LPP: variants seen among roughly 807,000 people sequenced by gnomAD.
LPP encodes the protein LIM domain containing preferred translocation partner in lipoma.
A neutral mutation model predicts 60.4 loss-of-function variants in LPP; 38 were observed. The observed-to-expected ratio is 0.63, with a 90% CI of 0.49 to 0.83. The LOEUF is 0.83. LPP is among the 40% of genes least tolerant of loss of function. The probability of loss-of-function intolerance (pLI) is 0.00; values close to 1 mark genes in which losing one functional copy is unlikely to be tolerated. For missense variants in LPP, 902 were observed against 783.6 expected (o/e 1.15, Z -1.80); for synonymous variants, 328 against 290.8 (o/e 1.13, Z -1.30).
chr3:188,782,999 T>C (rs1007249272), intron 9 of LPP, among the ~76,000 whole-genome samples: 5 of 152,288 alleles, frequency 3.3e-5, no homozygotes, highest in Non-Finnish European at 5.9e-5. Flanking sequence ...GTGCCCATCC[T>C]TTCTGTCCCT....
At chr3:188,869,880 G>T (rs1767648317) in intron 10 of LPP, among the ~76,000 whole-genome samples, 1 of 152,144 alleles carries the variant, frequency 6.6e-6, no homozygotes, top group Non-Finnish European at 1.5e-5. Flanking sequence ...CATTTCAGAT[G>T]ACCGCTGCAA....
chr3:188,280,340 G>T (rs1336564589), intron 2 of LPP, among the ~76,000 whole-genome samples: 3 of 152,174 alleles, frequency 2.0e-5, no homozygotes, highest in African/African-American at 7.2e-5. Flanking sequence ...TCATTAGGAA[G>T]AAATTGATGC....
chr3:188,650,545 A>G (rs1322222639), intron 7 of LPP, among the ~76,000 whole-genome samples: 1 of 152,172 alleles, frequency 6.6e-6, no homozygotes, highest in Non-Finnish European at 1.5e-5. Context: ...TTTTTCTGCT[A>G]TCTTCTGTCC....
At chr3:188,839,650 A>G (rs1458194473) in intron 9 of LPP, among the ~76,000 whole-genome samples, 1 of 152,094 alleles carries the variant, frequency 6.6e-6, no homozygotes, top group African/African-American at 2.4e-5. Context: ...TGAGGCGGAC[A>G]GATTACGAAG....
intron 3 of LPP, among the ~76,000 whole-genome samples, chr3:188,381,072 T>C (rs1776752761): frequency 6.6e-6 from 1 of 152,186 alleles, no homozygotes. Flanking sequence ...TTTTATAGGC[T>C]CTGGAGTTGA....
At chr3:188,606,970 A>G (rs1367191882) in intron 6 of LPP, among the ~76,000 whole-genome samples, 1 of 152,180 alleles carries the variant, frequency 6.6e-6, no homozygotes, top group Non-Finnish European at 1.5e-5. Flanking sequence ...GCAGCTGTAA[A>G]GTCTGCCCCA....
chr3:188,431,104 A>T (rs564381286), intron 4 of LPP, among the ~76,000 whole-genome samples: 2 of 152,280 alleles, frequency 1.3e-5, no homozygotes, highest in East Asian at 3.9e-4. Flanking sequence ...GATGAAAATT[A>T]ACCTGCGTGA....
At chr3:188,444,363 C>A (rs1249686605) in intron 4 of LPP, among the ~76,000 whole-genome samples, 2 of 152,002 alleles carry the variant, frequency 1.3e-5, no homozygotes, top group Non-Finnish European at 2.9e-5. Flanking sequence ...AGTCTTATAC[C>A]TTTAGCAATG....
At position 188,290,200 on chromosome 3, in the gene LPP, T is replaced by C. The variant is rs11709394; in HGVS notation, c.-66-51463T>C. ...CATGTTGGCCAAGCTGGTCTCGATC[T>C]CCTGACTTCAAGTGGTCTGACTGCC... On this transcript the variant is annotated intron_variant, in intron 2 of 11. Transcript: ENST00000617246. Among the ~76,000 whole-genome samples the C allele has an allele frequency of 3.2e-3, 493 of 152,260 alleles. 5 individuals carry two copies. The highest frequency in any genetic ancestry group is 0.028 in the South Asian group (133 of 4,822).
intron 5 of LPP, among the ~76,000 whole-genome samples, chr3:188,517,513 G>A (rs62289638): frequency 6.6e-6 from 1 of 152,284 alleles, no homozygotes; most frequent in Admixed American, 6.5e-5. Context: ...GGTCCCTCAT[G>A]AATGGCTTGG....
intron 5 of LPP, among the ~76,000 whole-genome samples, chr3:188,514,026 A>G (rs146344252): frequency 2.3e-4 from 35 of 152,326 alleles, no homozygotes; most frequent in African/African-American, 7.2e-4. Context: ...CAGAAAGTCA[A>G]AGAAACTGCT....
intron 9 of LPP, among the ~76,000 whole-genome samples, chr3:188,813,974 A>C (rs1489092189): frequency 2.0e-5 from 3 of 152,160 alleles, no homozygotes; most frequent in Admixed American, 2.0e-4. Flanking sequence ...CAGGAGGCTG[A>C]GGCAGGACAA....
In LPP at chr3:188,890,121, G is replaced by T. The variant is rs1268330235; in HGVS notation, c.*15642G>T. 1 of 216,064 alleles carries T rather than the reference G, an allele frequency of 4.6e-6. No individual in the cohort carries two copies. The highest frequency in any genetic ancestry group is 2.3e-5 in the African/African-American group (1 of 44,398). The allele number at this position is 216,064 out of a possible 1,614,324, so 13.4% of individuals were successfully genotyped here. A position where few individuals can be genotyped will look rare whatever the true frequency, so the allele number is the denominator to read the frequency against. ...TGGTGTTTACAAGTGGATAGATAAG[G>T]CGGAGATGGTGAGAAGCCGGGTTTT... On this transcript the variant is annotated 3_prime_UTR_variant, in exon 12 of 12. Transcript: ENST00000617246.
chr3:188,807,647 T>C (rs1201599752), intron 9 of LPP, among the ~76,000 whole-genome samples: 1 of 152,160 alleles, frequency 6.6e-6, no homozygotes, highest in African/African-American at 2.4e-5. Context: ...ATTCAAAGTA[T>C]TCTTCTTCTC....
chr3:188,490,340 A>G (rs1807943781), intron 5 of LPP, among the ~76,000 whole-genome samples: 1 of 152,154 alleles, frequency 6.6e-6, no homozygotes, highest in Non-Finnish European at 1.5e-5. Context: ...TTGAGCATCT[A>G]TTCTTGTGAA....
At chr3:188,818,627 C>T (rs1753117849) in intron 9 of LPP, among the ~76,000 whole-genome samples, 1 of 152,148 alleles carries the variant, frequency 6.6e-6, no homozygotes. Context: ...TGAGAGGCAG[C>T]TTGGTAGGAT....
At chr3:188,853,470 C>T (rs763040223) in intron 9 of LPP, among the ~76,000 whole-genome samples, 1 of 152,126 alleles carries the variant, frequency 6.6e-6, no homozygotes, top group Non-Finnish European at 1.5e-5. Flanking sequence ...TAAGGAAATA[C>T]GTTCAAGGCA....
intron 2 of LPP, among the ~76,000 whole-genome samples, chr3:188,337,526 T>C (rs977466734): frequency 6.6e-6 from 1 of 152,224 alleles, no homozygotes; most frequent in Admixed American, 6.5e-5. Context: ...TGATGGGTGG[T>C]AAAGACCAGG....
chr3:188,781,874 AG>A (rs202042657), intron 9 of LPP, among the ~76,000 whole-genome samples: 3,279 of 148,608 alleles, frequency 0.022, 114 homozygotes, highest in African/African-American at 0.073. Context: ...CCTGGGCGAC[AG>A]AGCAAGACTC....
Sources: allele counts gnomAD v4.1 joint callset (sites outside exome capture counted in the v4.1 genomes callset), GRCh38; gene constraint gnomAD v4.1.1; transcripts MANE v1.5; gene names NCBI Gene and HGNC (gene_info 2026-07-23, HGNC 2026-07-21).